HDGFL2: variants seen among roughly 807,000 people sequenced by gnomAD.
The protein encoded by HDGFL2 is hepatoma-derived growth factor-related protein 2.
Under a neutral mutation model 77.1 loss-of-function variants are expected in HDGFL2, and 36 were observed. The ratio of observed to expected loss-of-function variants is 0.47; its 90% confidence interval spans 0.36 to 0.62. The LOEUF (loss-of-function observed/expected upper bound fraction) is 0.62, where lower values mean the gene tolerates loss of function less well. HDGFL2 is among the 20% of genes least tolerant of loss of function. HDGFL2 has a pLI of 0.00. For synonymous variants in HDGFL2, 463 were observed against 413.1 expected (o/e 1.12, Z -1.46); for missense variants, 976 against 973.4 (o/e 1.00, Z -0.04).
At chr19:4,491,277 A>ACCCCCCCC (rs1271575682) in intron 4 of HDGFL2, among the ~76,000 whole-genome samples, 2 of 14,026 alleles carry the variant, frequency 1.4e-4, no homozygotes, top group African/African-American at 2.6e-4. Context: ...CCACCCCCCC[A>ACCCCCCCC]CCCCCCCCGG....
chr19:4,481,188 ATTTTTTT>A (rs71168906), intron 3 of HDGFL2, among the ~76,000 whole-genome samples: 1 of 51,178 alleles, frequency 2.0e-5, no homozygotes, highest in Non-Finnish European at 3.6e-5. Flanking sequence ...CGCCTGGCTA[ATTTTTTT>A]TTTTTTTTTT....
chr19:4,501,866 A>AG, intron 15 of HDGFL2, 45 bp from the exon 16 acceptor site: 1 of 1,346,530 alleles, frequency 7.4e-7, no homozygotes, highest in Non-Finnish European at 9.7e-7. Context: ...CAGGCAGGGC[A>AG]GGGGCGGGAG....
At position 4,486,007 on chromosome 19, in the gene HDGFL2, C is replaced by T. The variant is rs182523405; in HGVS notation, c.289-2669C>T. Among the ~76,000 whole-genome samples, 375 of 142,222 alleles carry T rather than the reference C, an allele frequency of 2.6e-3. 3 individuals are homozygous for T. Among genetic ancestry groups the T allele is most frequent in the African/African-American group, 9.2e-3 (353 of 38,232 alleles). 93.3% of individuals were successfully genotyped at this position (142,222 alleles called of 152,430 possible). On this transcript the variant is annotated intron_variant, in intron 3 of 15. Coordinates refer to ENST00000616600, the MANE Select transcript of HDGFL2 (RefSeq NM_001001520.3). ...AGTTGAGGCTGCAGTGAGTCGTGAT[C>T]GCGCCACTGCACTCCAGCCTGGGTG...
rs963283690 is a variant in HDGFL2, at chr19:4,499,714, G to A, written c.1789+10G>A. ...GACAAGCCCAGCACCGGTGAGGGGC[G>A]GGTGGGGTGGGCCCTGTACCTCAGT... On this transcript the variant is annotated intron_variant, in intron 14 of 15. Coordinates refer to ENST00000616600, the MANE Select transcript of HDGFL2 (RefSeq NM_001001520.3). 8 of 1,531,650 alleles carry A rather than the reference G, an allele frequency of 5.2e-6. No individual in the cohort carries two copies. Among genetic ancestry groups the A allele is most frequent in the Non-Finnish European group, 5.3e-6 (6 of 1,131,176 alleles). 94.9% of individuals were successfully genotyped at this position (1,531,650 alleles called of 1,614,324 possible).
intron 15 of HDGFL2, 178 bp from the exon 16 acceptor site, chr19:4,501,733 G>C (rs1426030995): frequency 1.9e-6 from 1 of 539,926 alleles, no homozygotes; most frequent in African/African-American, 2.0e-5. Flanking sequence ...CGCCAGCGTG[G>C]GGACCCTGGA....
At chr19:4,488,926 C>A in intron 4 of HDGFL2, 50 bp downstream of exon 4, 6 of 1,318,130 alleles carry the variant, frequency 4.6e-6, no homozygotes, top group Non-Finnish European at 4.2e-6. Flanking sequence ...GCCCTGATGT[C>A]TCGCCTGGCA....
At chr19:4,482,195 G>A (rs1975238645) in intron 3 of HDGFL2, among the ~76,000 whole-genome samples, 1 of 148,376 alleles carries the variant, frequency 6.7e-6, no homozygotes, top group Admixed American at 6.7e-5. Flanking sequence ...ACTGCGCCCT[G>A]GCCTTGTTTT....
At chr19:4,472,817 G>A (rs1265413813) in intron 1 of HDGFL2, among the ~76,000 whole-genome samples, 4 of 151,012 alleles carry the variant, frequency 2.6e-5, no homozygotes, top group Non-Finnish European at 4.4e-5. Context: ...GCCCCTCCCG[G>A]GGTCTGGGGG....
chr19:4,499,556 G>A lies in HDGFL2; in HGVS notation c.1641G>A (p.Lys547=). The stretch of plus-strand genomic sequence containing the variant: ...CAGCAGAAGTCTATACCCGGCTCAA[G>A]TCGCGGGTCCTCGGCCCAAAGATCG... ...EKAAEVYTRL[K]SRVLGPKIEA... The change falls in exon 14 of 16, where the codon AAG becomes AAA. Residue 547 remains lysine, a synonymous_variant. Transcript: ENST00000616600. The A allele has an allele frequency of 6.2e-7, 1 of 1,613,852 alleles. No homozygotes were observed. Among genetic ancestry groups the A allele is most frequent in the Non-Finnish European group, 8.5e-7 (1 of 1,179,960 alleles).
Position 4,502,005 on chromosome 19 carries a change from A to G in HDGFL2, c.2011A>G (p.Ser671Gly), listed in dbSNP as rs1020502406. 25 of 1,519,784 alleles carry G rather than the reference A, an allele frequency of 1.6e-5. No individual in the cohort carries two copies. The highest frequency in any genetic ancestry group is 2.1e-5 in the Non-Finnish European group (24 of 1,140,840). 94.1% of individuals were successfully genotyped at this position (1,519,784 alleles called of 1,614,324 possible). ...GGACTCGGAGGCCCTGGACGAGGAG[A>G]GCTGAGCCGCGGGCAGCCAGGCCCA... ...RGDSEALDEE[S>G] The change falls in exon 16 of 16, where the codon AGC becomes GGC. Residue 671 changes from serine (S) to glycine (G), a missense_variant. Physicochemically the swap from Ser to Gly is moderately conservative, Grantham distance 56. Around this residue, in one of 5 missense-constraint regions of HDGFL2, gnomAD observed 229 missense variants for 187.3 expected, o/e 1.22. Transcript: ENST00000616600.
At chr19:4,481,188 ATTTTT>A (rs71168906) in intron 3 of HDGFL2, among the ~76,000 whole-genome samples, 1 of 51,178 alleles carries the variant, frequency 2.0e-5, no homozygotes, top group Non-Finnish European at 3.6e-5. Context: ...CGCCTGGCTA[ATTTTT>A]TTTTTTTTTT....
At position 4,479,838 on chromosome 19, in the gene HDGFL2, G is replaced by C. The variant is rs566453311; in HGVS notation, c.288+4255G>C. ...GGGGAATCTCTTGAACCCGGGAGGC[G>C]GAAGTTGCAGTGAGCTGAGATGCTG... On this transcript the variant is annotated intron_variant, in intron 3 of 15. Transcript: ENST00000616600. 1.4e-4 allele frequency among the ~76,000 whole-genome samples: 21 copies of C among 151,322 alleles called. No individual in the cohort carries two copies. The Admixed American group carries it at 1.4e-3, about 10-fold the overall frequency.
chr19:4,486,157 A>C (rs1473557947), intron 3 of HDGFL2, among the ~76,000 whole-genome samples: 10 of 151,950 alleles, frequency 6.6e-5, no homozygotes, highest in Admixed American at 6.6e-4. Context: ...TCACTCGGTC[A>C]GGTGTTCCAC....
chr19:4,494,489 G>T lies in HDGFL2; in HGVS notation c.1224+14G>T. On this transcript the variant is annotated intron_variant, in intron 9 of 15. Coordinates refer to ENST00000616600, the MANE Select transcript of HDGFL2 (RefSeq NM_001001520.3). ...CTGGAGAGAGAGGTGAGCCGGGAGGGCGCCGGGAGTCCCTGCCTTCACTCC... is the reference window on the plus strand; with the variant it reads ...CTGGAGAGAGAGGTGAGCCGGGAGGTCGCCGGGAGTCCCTGCCTTCACTCC... The T allele has an allele frequency of 7.3e-7, 1 of 1,369,840 alleles. No individual in the cohort carries two copies. Among genetic ancestry groups the T allele is most frequent in the Non-Finnish European group, 9.4e-7 (1 of 1,065,244 alleles). The allele number at this position is 1,369,840 out of a possible 1,614,324, so 84.9% of individuals were successfully genotyped here.
intron 10 of HDGFL2, 128 bp downstream of exon 10, chr19:4,496,533 T>G: frequency 1.4e-6 from 1 of 731,710 alleles, no homozygotes; most frequent in Non-Finnish European, 2.4e-6. Context: ...TTGAAGTTCC[T>G]GGTCCTTGGG....
intron 1 of HDGFL2, 96 bp from the exon 2 acceptor site, chr19:4,475,179 C>T (rs1041321585): frequency 2.2e-5 from 23 of 1,025,440 alleles, no homozygotes; most frequent in Admixed American, 2.0e-5. Context: ...GGCTCCCCTC[C>T]TCCCAGCGTG....
intron 10 of HDGFL2, 28 bp from the exon 11 acceptor site, chr19:4,497,929 GC>G (rs1200513829): frequency 9.1e-6 from 14 of 1,545,380 alleles, no homozygotes; most frequent in African/African-American, 1.4e-5. Context: ...CGGTGACGGG[GC>G]CCGACTGAGG....
At position 4,490,942 on chromosome 19, in the gene HDGFL2, G is replaced by C. The variant is rs1369925872; in HGVS notation, c.490-624G>C. Among the ~76,000 whole-genome samples, 3 of 151,948 alleles carry C rather than the reference G, an allele frequency of 2.0e-5. No homozygotes were observed. The East Asian group carries it at 5.8e-4, about 29-fold the overall frequency. Reference sequence around the variant, plus strand: ...TTATCCTGCCTCGGCCTCCTGTGTAGGTGGGATTACAGGCATACGCCACCA... The same window carrying C: ...TTATCCTGCCTCGGCCTCCTGTGTACGTGGGATTACAGGCATACGCCACCA... On this transcript the variant is annotated intron_variant, in intron 4 of 15. Transcript: ENST00000616600.
At chr19:4,487,910 G>A (rs1460661614) in intron 3 of HDGFL2, among the ~76,000 whole-genome samples, 1 of 150,936 alleles carries the variant, frequency 6.6e-6, no homozygotes, top group African/African-American at 2.4e-5. Flanking sequence ...TCTTGTCCTA[G>A]CTTGGCTTCT....
Sources: allele counts gnomAD v4.1 joint callset (sites outside exome capture counted in the v4.1 genomes callset), GRCh38; gene constraint gnomAD v4.1.1; regional missense constraint gnomAD v4.1.1; transcripts MANE v1.5; gene names NCBI Gene and HGNC (gene_info 2026-07-23, HGNC 2026-07-21).